Variants in ZZEF1 observed in about 807,000 individuals in gnomAD.
The protein encoded by ZZEF1 is zinc finger ZZ-type and EF-hand domain-containing protein 1.
ZZEF1 carries 157 observed loss-of-function variants against 342.8 expected under a neutral mutation model. The observed-to-expected ratio is 0.46, with a 90% CI of 0.40 to 0.52. The LOEUF (loss-of-function observed/expected upper bound fraction) is 0.52, where lower values mean the gene tolerates loss of function less well. ZZEF1 is among the 20% of genes least tolerant of loss of function. The pLI, the probability that ZZEF1 is intolerant of heterozygous loss-of-function variation, is 0.00. For missense variants in ZZEF1, 3,480 were observed against 3,725.6 expected, an observed-to-expected ratio of 0.93 and a Z score of 1.72; for synonymous variants, 1,505 against 1,429.1, an observed-to-expected ratio of 1.05 and a Z score of -1.20.
At chr17:4,139,240 C>A (rs113770167) in intron 1 of ZZEF1, among the ~76,000 whole-genome samples, 247 of 139,884 alleles carry the variant, frequency 1.8e-3, no homozygotes, top group East Asian at 3.6e-3. Flanking sequence ...CTTTATAACA[C>A]CTCCTCAAAT....
intron 9 of ZZEF1, among the ~76,000 whole-genome samples, chr17:4,097,201 G>C (rs181471358): frequency 4.0e-4 from 61 of 151,188 alleles, no homozygotes; most frequent in Admixed American, 3.8e-3. Flanking sequence ...GCGGAGCTTG[G>C]AGATTGTGCC....
intron 2 of ZZEF1, among the ~76,000 whole-genome samples, chr17:4,123,303 A>ATATG (rs1555611673): frequency 1.0e-4 from 14 of 139,556 alleles, no homozygotes; most frequent in Non-Finnish European, 2.0e-4. Flanking sequence ...ATATATATAT[A>ATATG]TATATATCAG....
At chr17:4,023,144 C>A (rs1477585742) in intron 43 of ZZEF1, among the ~76,000 whole-genome samples, 1 of 152,210 alleles carries the variant, frequency 6.6e-6, no homozygotes, top group African/African-American at 2.4e-5. Context: ...TTGACCACCA[C>A]GCTTGTTCCA....
At chr17:4,111,132 T>C (rs183073853) in intron 5 of ZZEF1, among the ~76,000 whole-genome samples, 3 of 152,346 alleles carry the variant, frequency 2.0e-5, no homozygotes, top group Admixed American at 2.0e-4. Flanking sequence ...TGTATAGATT[T>C]ATGTGAACAG....
intron 39 of ZZEF1, among the ~76,000 whole-genome samples, chr17:4,041,291 A>G (rs867207371): frequency 2.7e-5 from 4 of 145,766 alleles, no homozygotes; most frequent in African/African-American, 7.3e-5. Context: ...ACCAAGAGGG[A>G]ACACATAATG....
chr17:4,049,257 A>C (rs530838401), intron 37 of ZZEF1, among the ~76,000 whole-genome samples: 1 of 152,274 alleles, frequency 6.6e-6, no homozygotes, highest in African/African-American at 2.4e-5. Context: ...CATGCCTGTA[A>C]TCCCATCACT....
At position 4,006,988 on chromosome 17, in the gene ZZEF1, G is replaced by A; in HGVS notation, c.8806-18C>T. ...TGCAGAGCCTGTAGAGGGAAAAAGA[G>A]TTGTCGCCAATGTCGGGAGCCACTC... On this transcript the variant is annotated intron_variant, in intron 54 of 54. Transcript: ENST00000381638. The A allele has an allele frequency of 6.4e-7, 1 of 1,569,294 alleles. No individual in the cohort carries two copies.
Position 4,106,529 on chromosome 17 carries a change from T to C in ZZEF1, c.1278-720A>G, listed in dbSNP as rs532572666. Among the ~76,000 whole-genome samples the C allele has an allele frequency of 8.6e-5, 13 of 151,944 alleles. No individual in the cohort carries two copies. The East Asian group carries it at 2.1e-3, about 25-fold the overall frequency. ...TTTATAGCTAGGATCTGAAGATCTATGGTATCTAAAGATGTGCCATGAATG... is the reference window on the plus strand; with the variant it reads ...TTTATAGCTAGGATCTGAAGATCTACGGTATCTAAAGATGTGCCATGAATG... On this transcript the variant is annotated intron_variant, in intron 6 of 54. Transcript: ENST00000381638.
At chr17:4,049,912 T>C in intron 36 of ZZEF1, 53 bp from the exon 37 acceptor site, 1 of 1,585,456 alleles carries the variant, frequency 6.3e-7, no homozygotes, top group Non-Finnish European at 8.6e-7. Context: ...TGAGAGTTCT[T>C]TTCAGCAAGT....
intron 30 of ZZEF1, among the ~76,000 whole-genome samples, chr17:4,060,770 T>C (rs1360180930): frequency 1.3e-5 from 2 of 152,180 alleles, no homozygotes; most frequent in Non-Finnish European, 2.9e-5. Context: ...AGGAATTCCC[T>C]TACCTTTGCA....
rs779969346 is a variant in ZZEF1 at position 4,032,848 on chromosome 17, C to G, written c.6739G>C (p.Val2247Leu). The G allele has an allele frequency of 1.2e-6, 2 of 1,614,136 alleles. No individual in the cohort carries two copies. Among genetic ancestry groups the G allele is most frequent in the Admixed American group, 1.7e-5 (1 of 60,026 alleles). Residue 2247 changes from valine to leucine, a missense_variant, in exon 41 of 55, where the codon GTG becomes CTG. Val to Leu is a conservative substitution (Grantham distance 32). Coordinates refer to ENST00000381638, the MANE Select transcript of ZZEF1 (RefSeq NM_015113.4). ...GGTACCTGGGGGAAGCCAACCAGCA[C>G]GAGCAGGGTGAAGATGTTGGTGTGC... is the stretch of plus-strand genomic sequence containing the variant. ...LKHTNIFTLLVLVGFPQVLCV... is the reference protein window; with the variant it reads ...LKHTNIFTLLLLVGFPQVLCV...
chr17:4,036,270 A>G (rs1341377290), intron 39 of ZZEF1, among the ~76,000 whole-genome samples: 2 of 152,092 alleles, frequency 1.3e-5, no homozygotes, highest in Non-Finnish European at 2.9e-5. Context: ...TAGGTCTGAT[A>G]ATTCTCATGT....
At chr17:4,069,463 A>G (rs1238317907) in intron 26 of ZZEF1, among the ~76,000 whole-genome samples, 4 of 152,218 alleles carry the variant, frequency 2.6e-5, no homozygotes, top group African/African-American at 9.6e-5. Flanking sequence ...ATGTTTTAAC[A>G]ATCAGAAAAT....
At position 4,102,463 on chromosome 17, in the gene ZZEF1, C is replaced by A. The variant is rs78045411; in HGVS notation, c.1574-48G>T. The A allele has an allele frequency of 3.2e-3, 4,905 of 1,541,190 alleles. 103 individuals are homozygous for A. The Admixed American group carries it at 0.044, about 14-fold the overall frequency. On this transcript the variant is annotated intron_variant, in intron 8 of 54. Coordinates refer to ENST00000381638, the MANE Select transcript of ZZEF1 (RefSeq NM_015113.4). Reference sequence around the variant, plus strand: ...AAGCTGTAAGCTAAAATATGAAGAACTGGAAACTAGCATGCCTATCTGTGG... The same window carrying A: ...AAGCTGTAAGCTAAAATATGAAGAAATGGAAACTAGCATGCCTATCTGTGG...
intron 1 of ZZEF1, among the ~76,000 whole-genome samples, chr17:4,127,766 G>C (rs1356786951): frequency 6.6e-6 from 1 of 152,136 alleles, no homozygotes; most frequent in Non-Finnish European, 1.5e-5. Flanking sequence ...TCTTCCCCCA[G>C]GTTTCCCAGA....
chr17:4,025,188 T>C (rs933719340), intron 42 of ZZEF1, 70 bp from the exon 43 acceptor site: 12 of 1,451,782 alleles, frequency 8.3e-6, no homozygotes, highest in African/African-American at 1.4e-5. Context: ...AGCTATTTCT[T>C]CTATAGTAAC....
At position 4,062,788 on chromosome 17, in the gene ZZEF1, C is replaced by T; in HGVS notation, c.4848G>A (p.Leu1616=). 1 of 1,611,736 alleles carries T rather than the reference C, an allele frequency of 6.2e-7. No individual in the cohort carries two copies. The highest frequency in any genetic ancestry group is 1.1e-5 in the South Asian group (1 of 90,618). Residue 1616 remains leucine (L), a synonymous_variant, in exon 30 of 55, where the codon CTG becomes CTA. Coordinates refer to ENST00000381638, the MANE Select transcript of ZZEF1 (RefSeq NM_015113.4). ...CTTTCTGACAGGTCAGAAGTTCCAA[C>T]AGGAAAAGTATGAAAGGTGGATGGA... The part of the protein sequence containing the change: ...HCFHPPFILF[L]LELLTCQKDF...
chr17:4,067,602 TA>T (rs912432000), intron 26 of ZZEF1, among the ~76,000 whole-genome samples: 20 of 152,156 alleles, frequency 1.3e-4, no homozygotes, highest in Non-Finnish European at 2.4e-4. Context: ...GTATATTAAG[TA>T]AAAAAGCAGG....
chr17:4,063,336 C>T (rs2057322952), intron 29 of ZZEF1, among the ~76,000 whole-genome samples: 1 of 152,066 alleles, frequency 6.6e-6, no homozygotes, highest in Non-Finnish European at 1.5e-5. Flanking sequence ...ATGCCTGTAA[C>T]CCTCTGATGC....
Sources: gnomAD v4.1 joint callset for allele counts (sites outside exome capture counted in the v4.1 genomes callset) on GRCh38, gnomAD v4.1.1 for gene constraint, MANE v1.5 for transcripts, NCBI Gene and HGNC (gene_info 2026-07-23, HGNC 2026-07-21) for gene names.